Variants in DET1 observed in about 807,000 individuals in gnomAD.
DET1 encodes DET1 homolog.
In DET1, 22 loss-of-function variants were observed where a neutral mutation model predicts 43.7. The ratio of observed to expected loss-of-function variants is 0.50; its 90% CI spans 0.36 to 0.72. The LOEUF (loss-of-function observed/expected upper bound fraction) is 0.72. Ranked by LOEUF, DET1 falls within the 30% of genes least tolerant of loss-of-function variation. The probability of loss-of-function intolerance (pLI) is 0.00; values close to 1 mark genes in which losing one functional copy is unlikely to be tolerated. For synonymous variants in DET1, 315 were observed against 266.2 expected (o/e 1.18, Z -1.79); for missense variants, 713 against 713.3 (o/e 1.00, Z 0.00).
chr15:88,538,260 T>G (rs2057002506), intron 1 of DET1, among the ~76,000 whole-genome samples: 1 of 151,266 alleles, frequency 6.6e-6, no homozygotes, highest in African/African-American at 2.4e-5. Context: ...TTGTGCAAGC[T>G]GACTCCCAGC....
intron 2 of DET1, among the ~76,000 whole-genome samples, chr15:88,529,086 C>T (rs2056744451): frequency 6.6e-6 from 1 of 152,156 alleles, no homozygotes; most frequent in African/African-American, 2.4e-5. Context: ...ATGTCATTAG[C>T]TACAACTTAT....
At chr15:88,526,836 T>C (rs992107281) in intron 3 of DET1, among the ~76,000 whole-genome samples, 1 of 152,230 alleles carries the variant, frequency 6.6e-6, no homozygotes. Flanking sequence ...TATGTAGACC[T>C]AGAAAAGGGA....
intron 3 of DET1, among the ~76,000 whole-genome samples, chr15:88,525,827 AT>A (rs10658727): frequency 0.083 from 7,519 of 90,684 alleles, 262 homozygotes; most frequent in East Asian, 0.36. Flanking sequence ...ACACTCGGCT[AT>A]TTTTTTTTTT....
Position 88,530,848 on chromosome 15 carries a change from G to A in DET1, c.858C>T (p.Pro286=), listed in dbSNP as rs1264996037. Residue 286 remains proline (P), a synonymous_variant, in exon 2 of 5, where the codon CCC becomes CCT. Coordinates refer to ENST00000268148, the MANE Select transcript of DET1 (RefSeq NM_001144074.3). ...GGGAATTGATGAAAGGATCCCTAAAGGGATTGGCCATGCCTGTCTGACTGT... is the reference window on the plus strand; with the variant it reads ...GGGAATTGATGAAAGGATCCCTAAAAGGATTGGCCATGCCTGTCTGACTGT... ...QRDSQTGMAN[P]FRDPFINSLK... The A allele has an allele frequency of 1.9e-6, 3 of 1,614,000 alleles. No homozygotes were observed. In the South Asian group the frequency reaches 3.3e-5, roughly 18 times the overall value.
chr15:88,517,736 C>T (rs1035522158), intron 3 of DET1, among the ~76,000 whole-genome samples: 3 of 152,256 alleles, frequency 2.0e-5, no homozygotes, highest in Middle Eastern at 3.4e-3. Context: ...CTTGGGATCA[C>T]CAACTTCTAG....
chr15:88,523,863 C>T (rs968367130), intron 3 of DET1, among the ~76,000 whole-genome samples: 2 of 152,078 alleles, frequency 1.3e-5, no homozygotes, highest in African/African-American at 4.8e-5. Flanking sequence ...GCCGCCACCC[C>T]GTCTGGGAAG....
chr15:88,524,819 C>T (rs1026927806), intron 3 of DET1, among the ~76,000 whole-genome samples: 1 of 152,022 alleles, frequency 6.6e-6, no homozygotes, highest in East Asian at 1.9e-4. Context: ...TGCGGAAGGC[C>T]ACAGGGTCCT....
Position 88,530,991 on chromosome 15 carries a change from T to C in DET1, c.715A>G (p.Ile239Val), listed in dbSNP as rs1375424285. The C allele has an allele frequency of 1.9e-6, 3 of 1,613,936 alleles. No individual in the cohort carries two copies. The highest frequency in any genetic ancestry group is 1.7e-6 in the Non-Finnish European group (2 of 1,179,852). The change falls in exon 2 of 5, where the codon ATC becomes GTC. Residue 239 changes from isoleucine (I) to valine (V), a missense_variant. Transcript: ENST00000268148. ...LAILSVQQQT[I>V]HVFQVTPEGT... ...TCAGGAGTCACCTGGAAGACATGGA[T>C]GGTCTGTTGTTGCACAGACAAGATG...
chr15:88,543,409 T>A (rs2057163470), intron 1 of DET1, among the ~76,000 whole-genome samples: 1 of 152,230 alleles, frequency 6.6e-6, no homozygotes, highest in Non-Finnish European at 1.5e-5. Context: ...TTTTACAATA[T>A]CAGAGTTGTT....
chr15:88,543,392 G>T (rs1169977941), intron 1 of DET1, among the ~76,000 whole-genome samples: 1 of 152,216 alleles, frequency 6.6e-6, no homozygotes, highest in African/African-American at 2.4e-5. Flanking sequence ...GATGTCAGAT[G>T]CTTGCATTTT....
downstream of DET1, among the ~76,000 whole-genome samples, chr15:88,511,969 A>C (rs959698706): frequency 6.6e-6 from 1 of 152,194 alleles, no homozygotes; most frequent in Non-Finnish European, 1.5e-5. Flanking sequence ...TGGCGGATAC[A>C]TTATGCAGAT....
At chr15:88,505,719 A>G (rs536683298) in intron 7 of DET1, 1 of 152,352 alleles carries the variant, frequency 6.6e-6, no homozygotes, top group Non-Finnish European at 1.5e-5. Context: ...CAAAAACTGC[A>G]TCTCAAAATT....
At position 88,517,461 on chromosome 15, in the gene DET1, A is replaced by C. The variant is rs187763896; in HGVS notation, c.1272-488T>G. On this transcript the variant is annotated intron_variant, in intron 3 of 4. Coordinates refer to ENST00000268148, the MANE Select transcript of DET1 (RefSeq NM_001144074.3). The stretch of plus-strand genomic sequence containing the variant: ...GGCTGGTCTTGAACTCCTGGGTTCA[A>C]CTGATCTGCCCGCCTTGGCCTCCCA... 1.8e-4 allele frequency among the ~76,000 whole-genome samples: 28 copies of C among 152,148 alleles called. 1 individual carries two copies. The East Asian group carries it at 4.4e-3, about 24-fold the overall frequency.
chr15:88,521,928 A>G (rs12593276), intron 3 of DET1, among the ~76,000 whole-genome samples: 1 of 150,070 alleles, frequency 6.7e-6, no homozygotes, highest in Non-Finnish European at 1.5e-5. Flanking sequence ...GCGCTGATAA[A>G]GGTTTAATTT....
intron 2 of DET1, among the ~76,000 whole-genome samples, chr15:88,528,065 G>A (rs971691266): frequency 6.6e-6 from 1 of 152,188 alleles, no homozygotes; most frequent in Admixed American, 6.5e-5. Flanking sequence ...GAATTACTGA[G>A]ATGGCCAGCA....
chr15:88,543,859 C>T (rs142567600), intron 1 of DET1, among the ~76,000 whole-genome samples: 3,386 of 152,308 alleles, frequency 0.022, 98 homozygotes, highest in African/African-American at 0.077. Flanking sequence ...CTCTCCAGTG[C>T]ACAACCTGCG....
At chr15:88,532,826 C>T (rs1240946206) in intron 1 of DET1, among the ~76,000 whole-genome samples, 2 of 152,108 alleles carry the variant, frequency 1.3e-5, no homozygotes, top group Admixed American at 1.3e-4. Context: ...AGACCCATAA[C>T]TATAAAACTA....
chr15:88,516,936 GC>G lies in DET1; in HGVS notation c.1308del (p.His437ThrfsTer145). The stretch of plus-strand genomic sequence containing the variant: ...AGCAGCCGGCGTACTGCCTCTGTGT[GC>G]CCTCCATACTTGGCATTTATAATAG... ...KDTIINAKYGGHTEAVRRLLG... is the reference protein window; with the variant it reads ...KDTIINAKYGXHTEAVRRLLG... On this transcript the variant is annotated frameshift_variant, in exon 4 of 5. Transcript: ENST00000268148. LOFTEE classifies it high-confidence loss of function. The surrounding 1 kb of genome is among the most constrained non-coding windows in gnomAD (Gnocchi z 4.4). 1 of 1,605,896 alleles carries G rather than the reference GC, an allele frequency of 6.2e-7. No individual in the cohort carries two copies. The highest frequency in any genetic ancestry group is 8.5e-7 in the Non-Finnish European group (1 of 1,176,288).
chr15:88,511,235 T>TA (rs1313746831), downstream of DET1, among the ~76,000 whole-genome samples: 1 of 152,162 alleles, frequency 6.6e-6, no homozygotes, highest in African/African-American at 2.4e-5. Context: ...CCTCTCCCTC[T>TA]ACTCTCTATT....
Sources: allele counts gnomAD v4.1 joint callset (sites outside exome capture counted in the v4.1 genomes callset), GRCh38; gene constraint gnomAD v4.1.1; non-coding constraint Gnocchi (gnomAD v3.1); transcripts MANE v1.5; gene names NCBI Gene and HGNC (gene_info 2026-07-23, HGNC 2026-07-21).